Variants in FAM222A observed in about 807,000 individuals in gnomAD.
The protein encoded by FAM222A is protein FAM222A.
FAM222A carries 7 observed loss-of-function variants against 25.8 expected under a neutral mutation model. The observed-to-expected ratio is 0.27, with a 90% CI of 0.15 to 0.51. The LOEUF (loss-of-function observed/expected upper bound fraction) is 0.51, where lower values mean the gene tolerates loss of function less well. Among genes scored for constraint, FAM222A ranks in the 20% least tolerant of loss-of-function variants. The probability of loss-of-function intolerance (pLI) is 0.97; values close to 1 mark genes in which losing one functional copy is unlikely to be tolerated. For missense variants in FAM222A, 573 were observed against 640.5 expected (o/e 0.89, Z 1.14); for synonymous variants, 294 against 298.8 (o/e 0.98, Z 0.17).
At chr12:109,755,373 C>T (rs1284077434) in intron 2 of FAM222A, among the ~76,000 whole-genome samples, 6 of 142,200 alleles carry the variant, frequency 4.2e-5, no homozygotes, top group African/African-American at 8.1e-5. Context: ...AGTGTAATGG[C>T]GCAATCTCGG....
In FAM222A at chr12:109,744,215, G is replaced by A; in HGVS notation, c.69G>A (p.Leu23=). The change falls in exon 2 of 3, where the codon CTG becomes CTA. Residue 23 remains leucine, a synonymous_variant. Transcript: ENST00000538780. ...ACCTGGCCTGCCCGAGCAAGAGCCT[G>A]GAGCTGCGCAAGTGTGAGTAGGACG... ...GQHLACPSKS[L]ELRKCEAVAS... 6.2e-7 allele frequency: 1 copy of A among 1,613,160 alleles called. No individual in the cohort carries two copies. Among genetic ancestry groups the A allele is most frequent in the South Asian group, 1.1e-5 (1 of 91,050 alleles).
intron 1 of FAM222A, among the ~76,000 whole-genome samples, chr12:109,718,618 C>T (rs1052874255): frequency 2.6e-5 from 4 of 152,346 alleles, no homozygotes; most frequent in African/African-American, 9.6e-5. Context: ...AACCCATTTG[C>T]GTGTCAAGAG....
At chr12:109,727,627 G>A (rs951454368) in intron 1 of FAM222A, among the ~76,000 whole-genome samples, 5 of 152,198 alleles carry the variant, frequency 3.3e-5, no homozygotes, top group African/African-American at 4.8e-5. Flanking sequence ...TGAGGTTCAC[G>A]GAGGACAGGC....
chr12:109,768,699 C>A lies in FAM222A; in HGVS notation c.770C>A (p.Thr257Asn). The A allele has an allele frequency of 6.3e-7, 1 of 1,584,516 alleles. No homozygotes were observed. Among genetic ancestry groups the A allele is most frequent in the Non-Finnish European group, 8.5e-7 (1 of 1,171,102 alleles). ...AAGLPDCRKG[T>N]ELGQGATQAL... is the part of the protein sequence containing the mutation. ...GGTCTGCCCGACTGCCGGAAAGGCA[C>A]TGAGCTGGGCCAGGGAGCCACCCAA... is the stretch of plus-strand genomic sequence containing the variant. The change falls in exon 3 of 3, where the codon ACT becomes AAT. Residue 257 changes from threonine (T) to asparagine (N), a missense_variant. Thr to Asn is a moderately conservative substitution (Grantham distance 65). Transcript: ENST00000538780.
chr12:109,750,556 T>C (rs1489182911), intron 2 of FAM222A, among the ~76,000 whole-genome samples: 1 of 152,168 alleles, frequency 6.6e-6, no homozygotes, highest in Non-Finnish European at 1.5e-5. Context: ...TATTAGTGTA[T>C]TCTCAGGGCT....
At chr12:109,724,025 C>G (rs1383668655) in intron 1 of FAM222A, among the ~76,000 whole-genome samples, 1 of 152,232 alleles carries the variant, frequency 6.6e-6, no homozygotes, top group African/African-American at 2.4e-5. Flanking sequence ...AAGCACAGAG[C>G]TGGGACCCAT....
intron 1 of FAM222A, among the ~76,000 whole-genome samples, chr12:109,736,108 G>GT (rs1458786879): frequency 6.6e-6 from 1 of 152,228 alleles, no homozygotes; most frequent in Non-Finnish European, 1.5e-5. Flanking sequence ...CCGCTCTGAG[G>GT]TTGGGGGGGT....
At chr12:109,754,091 T>C (rs1171083965) in intron 2 of FAM222A, among the ~76,000 whole-genome samples, 18 of 152,146 alleles carry the variant, frequency 1.2e-4, no homozygotes, top group Admixed American at 1.2e-3. Flanking sequence ...TCAGCCTCTT[T>C]CATTTACCAG....
rs1226632696 is a variant in FAM222A, at chr12:109,714,575, G to A, written c.-369G>A. 1 of 151,732 alleles carries A rather than the reference G, an allele frequency of 6.6e-6. No homozygotes were observed. Among genetic ancestry groups the A allele is most frequent in the Admixed American group, 6.6e-5 (1 of 15,240 alleles). 9.4% of individuals were successfully genotyped at this position (151,732 alleles called of 1,614,324 possible). On this transcript the variant is annotated 5_prime_UTR_variant, in exon 1 of 3. Transcript: ENST00000538780. This position sits in a 1 kb window ranked among gnomAD's most constrained non-coding sequence, Gnocchi z 4.2. ...GAGCTGCAGCCTTGAGCGGGGCCCC[G>A]AGGGGAGGCGCAGCGCCGCCCGCCG... is the stretch of plus-strand genomic sequence containing the variant.
intron 2 of FAM222A, among the ~76,000 whole-genome samples, chr12:109,751,039 G>C (rs1259363878): frequency 6.6e-6 from 1 of 152,072 alleles, no homozygotes; most frequent in Non-Finnish European, 1.5e-5. Flanking sequence ...TTGTATTTTA[G>C]TTTCCTTCCT....
rs1156993452 is a variant in FAM222A, at chr12:109,744,169, C to T, written c.23C>T (p.Thr8Ile). Residue 8 changes from threonine (T) to isoleucine (I), a missense_variant, in exon 2 of 3, where the codon ACC becomes ATC. By Grantham distance (89) the Thr-to-Ile change is moderately conservative. This residue lies in a region of FAM222A where 112 missense variants were observed against 154.6 expected (regional missense o/e 0.72). Transcript: ENST00000538780. Reference sequence around the variant, plus strand: ...GCCATGCTGGCCTGTCTGCAGAGGACCCAGAACGCCCCGGGCCAACACCTG... The same window carrying T: ...GCCATGCTGGCCTGTCTGCAGAGGATCCAGAACGCCCCGGGCCAACACCTG... The part of the protein sequence containing the change: MLACLQR[T>I]QNAPGQHLAC... 2 of 1,613,276 alleles carry T rather than the reference C, an allele frequency of 1.2e-6. No individual in the cohort carries two copies. The highest frequency in any genetic ancestry group is 1.3e-5 in the African/African-American group (1 of 74,930).
At chr12:109,754,864 G>A (rs1888672973) in intron 2 of FAM222A, among the ~76,000 whole-genome samples, 1 of 152,048 alleles carries the variant, frequency 6.6e-6, no homozygotes, top group South Asian at 2.1e-4. Flanking sequence ...TAGGGATGGG[G>A]TCTCACTATG....
intron 2 of FAM222A, among the ~76,000 whole-genome samples, chr12:109,760,291 A>G (rs1888856572): frequency 6.6e-6 from 1 of 152,180 alleles, no homozygotes; most frequent in African/African-American, 2.4e-5. Flanking sequence ...CAGTCTGTTC[A>G]GGTGGTCAGC....
In FAM222A at chr12:109,769,099, C is replaced by T; in HGVS notation, c.1170C>T (p.Gly390=). The change falls in exon 3 of 3, where the codon GGC becomes GGT. Residue 390 remains glycine, a synonymous_variant. Coordinates refer to ENST00000538780, the MANE Select transcript of FAM222A (RefSeq NM_032829.3). ...GGCCCCCTGCAGATGCCCTCTCGGG[C>T]CTGCCCAGCAAGAGTGTGTGCAACA... The part of the protein sequence containing the change: ...LAGPPADALS[G]LPSKSVCNTS... 1 of 1,608,822 alleles carries T rather than the reference C, an allele frequency of 6.2e-7. No homozygotes were observed. The highest frequency in any genetic ancestry group is 1.7e-5 in the Admixed American group (1 of 59,580).
intron 2 of FAM222A, among the ~76,000 whole-genome samples, chr12:109,764,409 CT>C (rs1052639735): frequency 1.3e-5 from 2 of 151,866 alleles, no homozygotes; most frequent in African/African-American, 2.4e-5. Flanking sequence ...ACAGGCACTC[CT>C]TTTTTTTCTT....
chr12:109,720,947 A>G (rs966484869), intron 1 of FAM222A, among the ~76,000 whole-genome samples: 2 of 151,938 alleles, frequency 1.3e-5, no homozygotes, highest in African/African-American at 4.8e-5. Context: ...GGTGGAAACA[A>G]TTACTTCTGG....
intron 1 of FAM222A, among the ~76,000 whole-genome samples, chr12:109,725,905 C>T (rs1293018125): frequency 1.3e-5 from 2 of 151,860 alleles, no homozygotes; most frequent in African/African-American, 2.4e-5. Flanking sequence ...CCCGGGCGCC[C>T]GGATGGTGCG....
chr12:109,727,330 G>T (rs1490788580), intron 1 of FAM222A, among the ~76,000 whole-genome samples: 1 of 152,134 alleles, frequency 6.6e-6, no homozygotes, highest in African/African-American at 2.4e-5. Flanking sequence ...AGGGGGAGGG[G>T]GTGCTGCCAG....
chr12:109,732,895 G>GCAGA (rs1887980778), intron 1 of FAM222A, among the ~76,000 whole-genome samples: 1 of 152,250 alleles, frequency 6.6e-6, no homozygotes. Context: ...GCCCCATCGT[G>GCAGA]CAGACACAGT....
Sources: allele counts gnomAD v4.1 joint callset (sites outside exome capture counted in the v4.1 genomes callset), GRCh38; gene constraint gnomAD v4.1.1; regional missense constraint gnomAD v4.1.1; non-coding constraint Gnocchi (gnomAD v3.1); transcripts MANE v1.5; gene names NCBI Gene and HGNC (gene_info 2026-07-23, HGNC 2026-07-21).